Variants in MCTP1 observed in about 807,000 individuals in gnomAD.
The protein encoded by MCTP1 is multiple C2 and transmembrane domain containing 1, also known as multiple C2 and transmembrane domain-containing protein 1.
MCTP1 carries 69 observed loss-of-function variants against 120.6 expected under a neutral mutation model. The observed-to-expected ratio is 0.57, with a 90% CI of 0.47 to 0.70. The LOEUF (loss-of-function observed/expected upper bound fraction) is 0.70. Ranked by LOEUF, MCTP1 falls within the 30% of genes least tolerant of loss-of-function variation. MCTP1 has a pLI of 0.00. For missense variants in MCTP1, 1,203 were observed against 1,248.8 expected (o/e 0.96, Z 0.55); for synonymous variants, 529 against 493.1 (o/e 1.07, Z -0.96).
intron 1 of MCTP1, among the ~76,000 whole-genome samples, chr5:95,203,680 C>G (rs145473836): frequency 2.6e-5 from 4 of 152,142 alleles, no homozygotes; most frequent in African/African-American, 9.6e-5. Flanking sequence ...TGAAAGAAAG[C>G]CAGTAAAACA....
chr5:95,278,299 C>T (rs1178616893), intron 1 of MCTP1, among the ~76,000 whole-genome samples: 5 of 151,986 alleles, frequency 3.3e-5, no homozygotes, highest in African/African-American at 9.7e-5. Flanking sequence ...TCAATGGTGC[C>T]GACAAATCAA....
chr5:94,764,528 G>A (rs1280661602), intron 19 of MCTP1, among the ~76,000 whole-genome samples: 1 of 151,888 alleles, frequency 6.6e-6, no homozygotes, highest in Non-Finnish European at 1.5e-5. Flanking sequence ...GAAAGTGAAG[G>A]GATGAAAAAA....
intron 1 of MCTP1, among the ~76,000 whole-genome samples, chr5:95,243,106 C>T (rs1756355080): frequency 6.6e-6 from 1 of 152,018 alleles, no homozygotes; most frequent in African/African-American, 2.4e-5. Flanking sequence ...GGAAATTTGG[C>T]TTTGTTAGAC....
At chr5:95,011,999 C>G (rs1836082410) in intron 2 of MCTP1, among the ~76,000 whole-genome samples, 2 of 152,030 alleles carry the variant, frequency 1.3e-5, no homozygotes, top group South Asian at 2.1e-4. Flanking sequence ...TCTCCAGGAG[C>G]CTTGATTACT....
In MCTP1 at chr5:95,284,004, GCCCCGGGGCCCTGACGCCGTGCA is replaced by G; in HGVS notation, c.549_571del (p.Arg185LeufsTer58). ...GGAGCTCTTCTGGTGGCACAAGTGC[GCCCCGGGGCCCTGACGCCGTGCA>G]CCCTCATCTCGGGCGCGGTCCCCCC... On this transcript the variant is annotated frameshift_variant, in exon 1 of 23. Coordinates refer to ENST00000515393, the MANE Select transcript of MCTP1 (RefSeq NM_024717.7). LOFTEE classifies it high-confidence loss of function. The surrounding 1 kb of genome is among the most constrained non-coding windows in gnomAD (Gnocchi z 5.2). The G allele has an allele frequency of 6.8e-7, 1 of 1,470,746 alleles. No individual in the cohort carries two copies. Among genetic ancestry groups the G allele is most frequent in the South Asian group, 1.4e-5 (1 of 70,704 alleles). The allele number at this position is 1,470,746 out of a possible 1,614,324, so 91.1% of individuals were successfully genotyped here. A position where few individuals can be genotyped will look rare whatever the true frequency, so the allele number is the denominator to read the frequency against.
At chr5:95,022,211 T>C (rs553399898) in intron 1 of MCTP1, among the ~76,000 whole-genome samples, 7 of 152,150 alleles carry the variant, frequency 4.6e-5, no homozygotes, top group Non-Finnish European at 1.0e-4. Context: ...GCAATTGTGG[T>C]TTCTACCATT....
chr5:95,283,945 G>C lies in MCTP1; in HGVS notation c.631C>G (p.Leu211Val). 1 of 1,407,800 alleles carries C rather than the reference G, an allele frequency of 7.1e-7. No homozygotes were observed. The highest frequency in any genetic ancestry group is 9.2e-7 in the Non-Finnish European group (1 of 1,087,254). The allele number at this position is 1,407,800 out of a possible 1,614,324, so 87.2% of individuals were successfully genotyped here. A position where few individuals can be genotyped will look rare whatever the true frequency, so the allele number is the denominator to read the frequency against. The change falls in exon 1 of 23, where the codon CTG becomes GTG. Residue 211 changes from leucine to valine, a missense_variant. By Grantham distance (32) the Leu-to-Val change is conservative. This residue lies in a region of MCTP1 where 463 missense variants were observed against 377.8 expected (regional missense o/e 1.23). Transcript: ENST00000515393. ...TCTGCGGGAGGAGGCGGCGGCTCCA[G>C]CAGCTGCTCCAGGCAGGCGGTGCCC... ...LPGTACLEQL[L>V]EPPPPPAEPA... is the part of the protein sequence containing the mutation.
chr5:95,105,313 T>A (rs924424289), intron 1 of MCTP1, among the ~76,000 whole-genome samples: 7 of 152,178 alleles, frequency 4.6e-5, no homozygotes, highest in African/African-American at 1.7e-4. Flanking sequence ...AGTTTCAGCT[T>A]CTACTTGGCC....
At chr5:95,134,849 T>C (rs1485024057) in intron 1 of MCTP1, among the ~76,000 whole-genome samples, 1 of 152,000 alleles carries the variant, frequency 6.6e-6, no homozygotes, top group Non-Finnish European at 1.5e-5. Context: ...ATTAAAATAA[T>C]CTTTCTTCTC....
chr5:95,127,684 T>C (rs1274604432), intron 1 of MCTP1, among the ~76,000 whole-genome samples: 6 of 152,078 alleles, frequency 3.9e-5, no homozygotes, highest in Non-Finnish European at 8.8e-5. Context: ...TCCTGAAACA[T>C]CCAACGAGAG....
At chr5:94,850,618 T>C (rs1288502251) in intron 17 of MCTP1, among the ~76,000 whole-genome samples, 1 of 152,160 alleles carries the variant, frequency 6.6e-6, no homozygotes, top group African/African-American at 2.4e-5. Flanking sequence ...GATTGACAGC[T>C]TTTGTTTTAA....
chr5:95,183,887 T>C (rs1215499547), intron 1 of MCTP1, among the ~76,000 whole-genome samples: 1 of 152,050 alleles, frequency 6.6e-6, no homozygotes, highest in African/African-American at 2.4e-5. Context: ...GAGTATAATA[T>C]GGCGTGAACA....
chr5:94,924,511 G>C (rs469140), intron 6 of MCTP1, among the ~76,000 whole-genome samples: 7 of 151,924 alleles, frequency 4.6e-5, no homozygotes, highest in Admixed American at 3.3e-4. Context: ...AACAAACATA[G>C]TAAGTGACTT....
intron 1 of MCTP1, among the ~76,000 whole-genome samples, chr5:95,193,302 A>C (rs1291076527): frequency 6.6e-6 from 1 of 152,062 alleles, no homozygotes; most frequent in Admixed American, 6.5e-5. Context: ...AAGATAACAC[A>C]CTGTTTTGTG....
intron 1 of MCTP1, among the ~76,000 whole-genome samples, chr5:95,072,439 C>T (rs535247045): frequency 2.7e-4 from 41 of 152,294 alleles, no homozygotes; most frequent in African/African-American, 9.1e-4. Flanking sequence ...TTGCCAAAGA[C>T]TGTCTCACAT....
At chr5:94,916,314 T>G (rs774851642) in intron 8 of MCTP1, among the ~76,000 whole-genome samples, 1 of 152,188 alleles carries the variant, frequency 6.6e-6, no homozygotes, top group Non-Finnish European at 1.5e-5. Flanking sequence ...TAGCAATTTC[T>G]GGCTATATGC....
chr5:94,948,229 C>CATGTACCCATACAAAAGAGACGAAAACA (rs1353608603), intron 3 of MCTP1, among the ~76,000 whole-genome samples: 19 of 152,152 alleles, frequency 1.2e-4, no homozygotes, highest in African/African-American at 4.3e-4. Flanking sequence ...CTCTGAGTCT[C>CATGTACCCATACAAAAGAGACGAAAACA]ATGTACCCAT....
At chr5:94,925,867 A>C (rs549884350) in intron 6 of MCTP1, among the ~76,000 whole-genome samples, 6 of 152,354 alleles carry the variant, frequency 3.9e-5, no homozygotes, top group African/African-American at 1.4e-4. Flanking sequence ...TAAGAGTAGT[A>C]AGATGCATTG....
At chr5:95,164,891 T>G (rs1049178679) in intron 1 of MCTP1, among the ~76,000 whole-genome samples, 1 of 152,148 alleles carries the variant, frequency 6.6e-6, no homozygotes, top group Non-Finnish European at 1.5e-5. Flanking sequence ...TTTCTCTAAG[T>G]GGTCATTCAA....
Sources: allele counts gnomAD v4.1 joint callset (sites outside exome capture counted in the v4.1 genomes callset), GRCh38; gene constraint gnomAD v4.1.1; regional missense constraint gnomAD v4.1.1; non-coding constraint Gnocchi (gnomAD v3.1); transcripts MANE v1.5; gene names NCBI Gene and HGNC (gene_info 2026-07-23, HGNC 2026-07-21).